The following P4HA2 variants were observed in gnomAD, a reference collection of about 807,000 sequenced individuals.
The protein encoded by P4HA2 is prolyl 4-hydroxylase subunit alpha 2.
P4HA2 carries 46 observed loss-of-function variants against 76.9 expected under a neutral mutation model. The observed-to-expected ratio is 0.60, with a 90% CI of 0.47 to 0.76. P4HA2 has a LOEUF of 0.76. P4HA2 is among the 30% of genes least tolerant of loss of function. The pLI is 0.00. For synonymous variants in P4HA2, 243 were observed against 254.0 expected (o/e 0.96, Z 0.41); for missense variants, 583 against 669.4 (o/e 0.87, Z 1.42).
chr5:132,219,138 C>A (rs1754307640), intron 1 of P4HA2, among the ~76,000 whole-genome samples: 1 of 152,194 alleles, frequency 6.6e-6, no homozygotes, highest in African/African-American at 2.4e-5. Flanking sequence ...ACACAATATC[C>A]TCCAGAGTAC....
intron 13 of P4HA2, 27 bp downstream of exon 13, chr5:132,195,385 C>T (rs746498661): frequency 1.3e-6 from 2 of 1,544,678 alleles, no homozygotes; most frequent in South Asian, 2.2e-5. Flanking sequence ...TTGCTTCAAC[C>T]TCTGACCCAC....
At chr5:132,207,986 G>A (rs975545516) in intron 7 of P4HA2, 102 bp from the exon 8 acceptor site, 11 of 859,788 alleles carry the variant, frequency 1.3e-5, no homozygotes, top group Non-Finnish European at 2.0e-5. Flanking sequence ...GCCAGCAGCT[G>A]CTCCCTCCCA....
At chr5:132,214,722 G>A (rs1157673929) in intron 4 of P4HA2, among the ~76,000 whole-genome samples, 2 of 151,818 alleles carry the variant, frequency 1.3e-5, no homozygotes, top group Non-Finnish European at 2.9e-5. Context: ...ACCCAGCAAG[G>A]TCCGTCCCCT....
rs555319735 is a variant in P4HA2, at chr5:132,197,608, C to CAAAAA, written c.1365+708_1365+712dup. ...GGGTGACAGAGCAAGACTCCATCTCCAAAAAAAAAAAAAAAAAAAAAAAGA... is the reference window on the plus strand; with the variant it reads ...GGGTGACAGAGCAAGACTCCATCTCCAAAAAAAAAAAAAAAAAAAAAAAAAAAAGA... On this transcript the variant is annotated intron_variant, in intron 12 of 14. Transcript: ENST00000360568. 5.5e-3 allele frequency among the ~76,000 whole-genome samples: 306 copies of CAAAAA among 55,150 alleles called. 6 individuals carry two copies. The highest frequency in any genetic ancestry group is 0.02 in the African/African-American group (293 of 14,694). 36.2% of individuals were successfully genotyped at this position (55,150 alleles called of 152,430 possible). A position where few individuals can be genotyped will look rare whatever the true frequency, so the allele number is the denominator to read the frequency against.
rs1463654925 is a variant in P4HA2, at chr5:132,190,648, G to A, written c.*2362C>T. On this transcript the variant is annotated 3_prime_UTR_variant, in exon 15 of 15. Transcript: ENST00000360568. ...AAGAGAACACAGGAAACATCCTCAT[G>A]ATCTTGGGGTATAGAAGGATTTCTC... is the stretch of plus-strand genomic sequence containing the variant. Among the ~76,000 whole-genome samples, 5 of 152,156 alleles carry A rather than the reference G, an allele frequency of 3.3e-5. No individual in the cohort carries two copies. The highest frequency in any genetic ancestry group is 6.5e-5 in the Admixed American group (1 of 15,278).
At chr5:132,224,418 A>T (rs1406697798) in intron 1 of P4HA2, among the ~76,000 whole-genome samples, 1 of 152,252 alleles carries the variant, frequency 6.6e-6, no homozygotes, top group Non-Finnish European at 1.5e-5. Flanking sequence ...ATTTATGTCA[A>T]TCATTAGTAC....
chr5:132,196,130 C>T (rs1416891624), intron 12 of P4HA2, among the ~76,000 whole-genome samples: 1 of 152,184 alleles, frequency 6.6e-6, no homozygotes, highest in African/African-American at 2.4e-5. Context: ...AGCACTACTT[C>T]TTTCCCATCT....
At chr5:132,197,642 A>C (rs111665215) in intron 12 of P4HA2, among the ~76,000 whole-genome samples, 37 of 151,566 alleles carry the variant, frequency 2.4e-4, no homozygotes, top group Admixed American at 3.9e-4. Flanking sequence ...GAAGAAGAAG[A>C]AGCCAGAATA....
intron 7 of P4HA2, among the ~76,000 whole-genome samples, chr5:132,208,587 C>A (rs193292329): frequency 2.0e-5 from 3 of 151,770 alleles, no homozygotes; most frequent in Non-Finnish European, 4.4e-5. Context: ...TGACCCTTTT[C>A]GTGAAGACTT....
chr5:132,205,784 C>G lies in P4HA2; in HGVS notation c.1081-1632G>C, dbSNP rs1313898163. ...TTCCTGAGCTTCAGCTCATGTCAGT[C>G]CCTCCCTGAAAACTGCAGCCACAGC... On this transcript the variant is annotated intron_variant, in intron 8 of 14. Coordinates refer to ENST00000360568, the MANE Select transcript of P4HA2 (RefSeq NM_001017974.2). Among the ~76,000 whole-genome samples, 4 of 152,300 alleles carry G rather than the reference C, an allele frequency of 2.6e-5. No homozygotes were observed. In the East Asian group the frequency reaches 7.7e-4, roughly 29 times the overall value.
chr5:132,212,355 G>A (rs759344914), intron 5 of P4HA2, among the ~76,000 whole-genome samples: 4 of 152,160 alleles, frequency 2.6e-5, no homozygotes, highest in African/African-American at 4.8e-5. Context: ...AGTCAGAATG[G>A]TATTTTGATA....
At chr5:132,222,753 T>C (rs562367563) in intron 1 of P4HA2, among the ~76,000 whole-genome samples, 1 of 152,354 alleles carries the variant, frequency 6.6e-6, no homozygotes, top group East Asian at 1.9e-4. Flanking sequence ...TCTATCCACA[T>C]ACTTTCTCAG....
chr5:132,209,479 TCG>T, intron 6 of P4HA2, 148 bp from the exon 7 acceptor site: 1 of 704,110 alleles, frequency 1.4e-6, no homozygotes, highest in Non-Finnish European at 2.4e-6. Context: ...AGTACGCTGG[TCG>T]TAACTGGAAA....
intron 10 of P4HA2, chr5:132,202,317 G>A (rs1406891092): frequency 6.6e-6 from 1 of 152,154 alleles, no homozygotes. Flanking sequence ...CTTCAAAATT[G>A]ATTTTCCAAT....
At chr5:132,198,689 A>G (rs1751047242) in intron 11 of P4HA2, among the ~76,000 whole-genome samples, 190 bp downstream of exon 11, 1 of 152,208 alleles carries the variant, frequency 6.6e-6, no homozygotes, top group South Asian at 2.1e-4. Context: ...GCTCCACTGC[A>G]TTCTGCAGGA....
chr5:132,198,354 T>C lies in P4HA2; in HGVS notation c.1332A>G (p.Thr444=). ...SRRPFDSGLK[T]EGNRLATFLN... is the part of the protein sequence containing the mutation. Reference sequence around the variant, plus strand: ...GAAACGTCGCTAACCTATTCCCCTCTGTTTTGAGGCCGCTGTCAAAAGGTC... The same window carrying C: ...GAAACGTCGCTAACCTATTCCCCTCCGTTTTGAGGCCGCTGTCAAAAGGTC... Residue 444 remains threonine (T), a synonymous_variant, in exon 12 of 15, where the codon ACA becomes ACG. Coordinates refer to ENST00000360568, the MANE Select transcript of P4HA2 (RefSeq NM_001017974.2). 3 of 1,613,810 alleles carry C rather than the reference T, an allele frequency of 1.9e-6. No homozygotes were observed. In the East Asian group the frequency reaches 6.7e-5, roughly 36 times the overall value.
At chr5:132,216,686 A>G (rs893246993) in intron 4 of P4HA2, among the ~76,000 whole-genome samples, 2 of 152,132 alleles carry the variant, frequency 1.3e-5, no homozygotes, top group Non-Finnish European at 1.5e-5. Flanking sequence ...ATGCTCCCCA[A>G]CTTGCCCTGG....
In P4HA2 at chr5:132,192,799, C is replaced by T. The variant is rs201224376; in HGVS notation, c.*211G>A. The T allele has an allele frequency of 9.3e-6, 5 of 535,886 alleles. No homozygotes were observed. Among genetic ancestry groups the T allele is most frequent in the Non-Finnish European group, 1.7e-5 (5 of 299,626 alleles). 33.2% of individuals were successfully genotyped at this position (535,886 alleles called of 1,614,324 possible). A position where few individuals can be genotyped will look rare whatever the true frequency, so the allele number is the denominator to read the frequency against. On this transcript the variant is annotated 3_prime_UTR_variant, in exon 15 of 15. Transcript: ENST00000360568. Reference sequence around the variant, plus strand: ...TAACTCTGCTGCAGCCACTTTGATCCTAGCCTTGGGGCCAGGGATGGCACA... The same window carrying T: ...TAACTCTGCTGCAGCCACTTTGATCTTAGCCTTGGGGCCAGGGATGGCACA...
At chr5:132,210,637 T>C in intron 5 of P4HA2, 114 bp from the exon 6 acceptor site, 1 of 1,003,208 alleles carries the variant, frequency 1.0e-6, no homozygotes, top group South Asian at 1.4e-5. Context: ...CAAGCAGAAC[T>C]CCATCGGACA....
Sources: gnomAD v4.1 joint callset for allele counts (sites outside exome capture counted in the v4.1 genomes callset) on GRCh38, gnomAD v4.1.1 for gene constraint, MANE v1.5 for transcripts, NCBI Gene and HGNC (gene_info 2026-07-23, HGNC 2026-07-21) for gene names.